Variants in SAXO1 observed in about 807,000 individuals in gnomAD.
The protein encoded by SAXO1 is stabilizer of axonemal microtubules 1.
Under a neutral mutation model 17.5 loss-of-function variants are expected in SAXO1, and 21 were observed. The ratio of observed to expected loss-of-function variants is 1.20; its 90% CI spans 0.85 to 1.72. The LOEUF (loss-of-function observed/expected upper bound fraction) is 1.72, where lower values mean the gene tolerates loss of function less well. Ranked by LOEUF, SAXO1 falls within the 40% of genes most tolerant of loss-of-function variation. The pLI, the probability that SAXO1 is intolerant of heterozygous loss-of-function variation, is 0.00. For missense variants in SAXO1, 843 were observed against 596.0 expected (o/e 1.41, Z -4.32); for synonymous variants, 274 against 216.5 (o/e 1.27, Z -2.33).
At chr9:18,944,286 C>T (rs1831702173) in intron 2 of SAXO1, among the ~76,000 whole-genome samples, 1 of 152,222 alleles carries the variant, frequency 6.6e-6, no homozygotes, top group Non-Finnish European at 1.5e-5. Context: ...AACATAGTTA[C>T]TGTGGCTTAG....
chr9:19,012,386 C>A (rs1238811821), intron 1 of SAXO1, among the ~76,000 whole-genome samples: 1 of 152,250 alleles, frequency 6.6e-6, no homozygotes, highest in Non-Finnish European at 1.5e-5. Flanking sequence ...TCCCCAAATC[C>A]TTAGGTCTGA....
chr9:18,937,210 C>A (rs935129005), intron 3 of SAXO1, among the ~76,000 whole-genome samples: 1 of 152,220 alleles, frequency 6.6e-6, no homozygotes, highest in African/African-American at 2.4e-5. Context: ...TTATTAAGGA[C>A]TGACCCAACC....
At position 18,950,767 on chromosome 9, in the gene SAXO1, G is replaced by A. The variant is rs1029829826; in HGVS notation, c.209C>T (p.Thr70Ile). ...QKGPIPMEGL[T>I]TSRRDFGPHK... ...TACTGTTTGCCCTCACCTTGATGTA[G>A]TCAGGCCTTCCATTGGTATAGGCCC... Residue 70 changes from threonine to isoleucine, a missense_variant, in exon 2 of 4, where the codon ACT becomes ATT. Coordinates refer to ENST00000380534, the MANE Select transcript of SAXO1 (RefSeq NM_153707.4). 1.9e-6 allele frequency: 3 copies of A among 1,613,180 alleles called. No individual in the cohort carries two copies. Among genetic ancestry groups the A allele is most frequent in the East Asian group, 2.2e-5 (1 of 44,878 alleles).
At chr9:19,001,085 C>G (rs1834246431) in intron 1 of SAXO1, among the ~76,000 whole-genome samples, 1 of 152,172 alleles carries the variant, frequency 6.6e-6, no homozygotes, top group Admixed American at 6.6e-5. Flanking sequence ...CTGGACCAAG[C>G]AGACCTAATA....
intron 3 of SAXO1, among the ~76,000 whole-genome samples, chr9:18,935,880 A>C (rs546116806): frequency 6.6e-6 from 1 of 152,322 alleles, no homozygotes; most frequent in Non-Finnish European, 1.5e-5. Flanking sequence ...TTGTTTCCAC[A>C]GCCTAGCCTG....
rs1833966530 is a variant in SAXO1, at chr9:18,995,555, C to T, written c.38+37316G>A. Among the ~76,000 whole-genome samples the T allele has an allele frequency of 2.6e-5, 4 of 152,132 alleles. No individual in the cohort carries two copies. In the South Asian group the frequency reaches 8.3e-4, roughly 32 times the overall value. On this transcript the variant is annotated intron_variant, in intron 1 of 3. Coordinates refer to ENST00000380534, the MANE Select transcript of SAXO1 (RefSeq NM_153707.4). Reference sequence around the variant, plus strand: ...CACAAGGGGATGCTGCTGCTATTCCCTTTTTTAAGCCTTACTCCTGTTTAT... The same window carrying T: ...CACAAGGGGATGCTGCTGCTATTCCTTTTTTTAAGCCTTACTCCTGTTTAT...
At chr9:18,999,339 G>A (rs904260755) in intron 1 of SAXO1, among the ~76,000 whole-genome samples, 14 of 150,326 alleles carry the variant, frequency 9.3e-5, no homozygotes, top group South Asian at 2.1e-4. Flanking sequence ...CCACTGCCCC[G>A]GCTGGCAAGT....
intron 1 of SAXO1, among the ~76,000 whole-genome samples, chr9:19,042,251 C>A (rs766666528): frequency 5.9e-5 from 9 of 152,188 alleles, no homozygotes; most frequent in Non-Finnish European, 1.2e-4. Context: ...GATATCATGT[C>A]ACCCCAGTTA....
At chr9:18,953,580 A>C (rs962128988) in intron 1 of SAXO1, among the ~76,000 whole-genome samples, 5 of 152,172 alleles carry the variant, frequency 3.3e-5, no homozygotes, top group Admixed American at 3.3e-4. Flanking sequence ...TAAATGTTTC[A>C]CTGCCTGAGT....
At chr9:18,975,221 G>A (rs62564766) in intron 1 of SAXO1, among the ~76,000 whole-genome samples, 20 of 7,042 alleles carry the variant, frequency 2.8e-3, no homozygotes, top group African/African-American at 9.3e-3. Context: ...TGGGGAAGCA[G>A]GGAGAGTGCA....
chr9:18,933,942 A>G (rs1477576390), intron 3 of SAXO1, among the ~76,000 whole-genome samples: 2 of 152,168 alleles, frequency 1.3e-5, no homozygotes. Flanking sequence ...GCTACTAGGG[A>G]GGCTGAGGCA....
At position 18,928,621 on chromosome 9, in the gene SAXO1, T is replaced by C. The variant is rs868713158; in HGVS notation, c.856A>G (p.Met286Val). The C allele has an allele frequency of 1.9e-5, 30 of 1,614,018 alleles. No homozygotes were observed. The highest frequency in any genetic ancestry group is 2.7e-5 in the African/African-American group (2 of 74,980). Reference sequence around the variant, plus strand: ...TAGGTGATGGGAGCTTTGGAGAACATCCGGGGCATTGGCCAAGCTTGGTAC... The same window carrying C: ...TAGGTGATGGGAGCTTTGGAGAACACCCGGGGCATTGGCCAAGCTTGGTAC... ...DKYQAWPMPR[M>V]FSKAPITYVP... The change falls in exon 4 of 4, where the codon ATG becomes GTG. Residue 286 changes from methionine (M) to valine (V), a missense_variant. By Grantham distance (21) the Met-to-Val change is conservative. Transcript: ENST00000380534.
intron 1 of SAXO1, among the ~76,000 whole-genome samples, chr9:18,989,556 G>GCACACACA (rs56265752): frequency 4.0e-5 from 6 of 149,200 alleles, no homozygotes; most frequent in South Asian, 2.1e-4. Flanking sequence ...TAGCCATTAT[G>GCACACACA]CACACACACA....
At chr9:19,027,316 AT>A in intron 1 of SAXO1, 1 of 814,812 alleles carries the variant, frequency 1.2e-6, no homozygotes, top group African/African-American at 1.7e-5. Context: ...AAAGACTCCT[AT>A]CCAATCCTGG....
chr9:19,015,894 G>A (rs1251856870), intron 1 of SAXO1, among the ~76,000 whole-genome samples: 1 of 152,118 alleles, frequency 6.6e-6, no homozygotes, highest in Non-Finnish European at 1.5e-5. Flanking sequence ...AATCACCAAA[G>A]TTGTTAAAAC....
chr9:18,997,684 T>G (rs1409057122), intron 1 of SAXO1, among the ~76,000 whole-genome samples: 4 of 152,236 alleles, frequency 2.6e-5, no homozygotes, highest in Non-Finnish European at 4.4e-5. Flanking sequence ...GACCCCCATG[T>G]AGCCTGACTG....
At chr9:19,018,966 A>T (rs1835110980) in intron 1 of SAXO1, among the ~76,000 whole-genome samples, 2 of 151,922 alleles carry the variant, frequency 1.3e-5, no homozygotes, top group African/African-American at 2.4e-5. Flanking sequence ...AAAATTAGCC[A>T]GGCTTGGTGG....
At chr9:18,996,689 A>G (rs370337869) in intron 1 of SAXO1, among the ~76,000 whole-genome samples, 48 of 152,354 alleles carry the variant, frequency 3.2e-4, no homozygotes, top group African/African-American at 1.1e-3. Flanking sequence ...TAGAAACGTC[A>G]TAACATGATA....
chr9:19,010,628 T>C (rs191101936), intron 1 of SAXO1, among the ~76,000 whole-genome samples: 1 of 152,318 alleles, frequency 6.6e-6, no homozygotes, highest in Non-Finnish European at 1.5e-5. Context: ...TACTTGTTTA[T>C]ATAGAAATAT....
Sources: gnomAD v4.1 joint callset for allele counts (sites outside exome capture counted in the v4.1 genomes callset) on GRCh38, gnomAD v4.1.1 for gene constraint, MANE v1.5 for transcripts, NCBI Gene and HGNC (gene_info 2026-07-23, HGNC 2026-07-21) for gene names.